ANTXR2: variants seen among roughly 807,000 people sequenced by gnomAD.
ANTXR2 encodes the protein ANTXR cell adhesion molecule 2.
A neutral mutation model predicts 73.7 loss-of-function variants in ANTXR2; 44 were observed. The observed-to-expected ratio is 0.60, with a 90% CI of 0.47 to 0.77. The LOEUF is 0.77. Ranked by LOEUF, ANTXR2 falls within the 30% of genes least tolerant of loss-of-function variation. The pLI is 0.00. For synonymous variants in ANTXR2, 217 were observed against 205.9 expected (o/e 1.05, Z -0.46); for missense variants, 604 against 592.5 (o/e 1.02, Z -0.20).
At position 79,903,951 on chromosome 4, in the gene ANTXR2, C is replaced by G. The variant is rs1168440295; in HGVS notation, c.*3478G>C. ...CTAGAAAATGCTAGTAAAAGCTAAC[C>G]AATATACAATATATGCATGGAGTAG... On this transcript the variant is annotated 3_prime_UTR_variant, in exon 17 of 17. Transcript: ENST00000403729. 1 of 152,080 alleles carries G rather than the reference C, an allele frequency of 6.6e-6. No homozygotes were observed. Among genetic ancestry groups the G allele is most frequent in the African/African-American group, 2.4e-5 (1 of 41,424 alleles). 9.4% of individuals were successfully genotyped at this position (152,080 alleles called of 1,614,324 possible). A position where few individuals can be genotyped will look rare whatever the true frequency, so the allele number is the denominator to read the frequency against.
intron 12 of ANTXR2, among the ~76,000 whole-genome samples, chr4:79,987,478 T>C (rs1730232062): frequency 1.3e-5 from 2 of 152,102 alleles, no homozygotes; most frequent in South Asian, 4.1e-4. Context: ...AATATGGGAT[T>C]ATGTAAGAAG....
At chr4:80,025,495 C>T (rs1732386315) in intron 10 of ANTXR2, among the ~76,000 whole-genome samples, 2 of 152,084 alleles carry the variant, frequency 1.3e-5, no homozygotes, top group African/African-American at 4.8e-5. Context: ...TTGTGAAAGA[C>T]ATTTGCTGGA....
At chr4:80,003,203 C>T (rs564037681) in intron 12 of ANTXR2, among the ~76,000 whole-genome samples, 1 of 152,018 alleles carries the variant, frequency 6.6e-6, no homozygotes, top group Admixed American at 6.6e-5. Context: ...AAATGTGGCA[C>T]ATATACACCA....
chr4:80,067,139 G>A (rs1166133894), intron 3 of ANTXR2, among the ~76,000 whole-genome samples: 1 of 151,810 alleles, frequency 6.6e-6, no homozygotes, highest in Non-Finnish European at 1.5e-5. Context: ...CTGGGAGGTG[G>A]AGCTTGCAGT....
At chr4:80,007,688 T>C (rs890116085) in intron 12 of ANTXR2, among the ~76,000 whole-genome samples, 1 of 152,106 alleles carries the variant, frequency 6.6e-6, no homozygotes, top group Non-Finnish European at 1.5e-5. Flanking sequence ...GTTGAAAAGA[T>C]GCAACACATC....
intron 16 of ANTXR2, among the ~76,000 whole-genome samples, chr4:79,914,198 C>T (rs1421526736): frequency 6.6e-6 from 1 of 152,096 alleles, no homozygotes; most frequent in Non-Finnish European, 1.5e-5. Flanking sequence ...TTTGTCAATA[C>T]TGGTAAGCTC....
intron 16 of ANTXR2, among the ~76,000 whole-genome samples, chr4:79,964,188 T>C (rs1312047973): frequency 6.6e-6 from 1 of 152,200 alleles, no homozygotes; most frequent in Non-Finnish European, 1.5e-5. Context: ...AAGGTTAACA[T>C]AACCTCGATT....
chr4:80,000,813 A>C (rs1730993314), intron 12 of ANTXR2, among the ~76,000 whole-genome samples: 1 of 152,056 alleles, frequency 6.6e-6, no homozygotes, highest in Admixed American at 6.6e-5. Flanking sequence ...CAAATGTTCA[A>C]ATTCTTTGCT....
intron 8 of ANTXR2, among the ~76,000 whole-genome samples, chr4:80,035,725 T>C (rs1252050393): frequency 6.6e-6 from 1 of 152,160 alleles, no homozygotes; most frequent in Non-Finnish European, 1.5e-5. Context: ...AAGCGTGAAC[T>C]AAATATACAG....
At chr4:80,004,389 C>T (rs1731203447) in intron 12 of ANTXR2, among the ~76,000 whole-genome samples, 1 of 151,586 alleles carries the variant, frequency 6.6e-6, no homozygotes, top group Non-Finnish European at 1.5e-5. Flanking sequence ...CACTTAGTGT[C>T]TTAAAACCAC....
intron 16 of ANTXR2, among the ~76,000 whole-genome samples, chr4:79,930,792 T>C (rs1290080645): frequency 6.6e-6 from 1 of 152,190 alleles, no homozygotes; most frequent in Non-Finnish European, 1.5e-5. Flanking sequence ...ATACTAAAAG[T>C]AGGTATAAGA....
At chr4:79,995,086 A>T (rs1453233225) in intron 12 of ANTXR2, among the ~76,000 whole-genome samples, 1 of 152,056 alleles carries the variant, frequency 6.6e-6, no homozygotes, top group Non-Finnish European at 1.5e-5. Flanking sequence ...CATCTAGAAG[A>T]CATAAAACTT....
At chr4:79,994,152 A>G (rs1240511854) in intron 12 of ANTXR2, among the ~76,000 whole-genome samples, 3 of 151,944 alleles carry the variant, frequency 2.0e-5, no homozygotes, top group African/African-American at 7.2e-5. Context: ...TTTTGCATCA[A>G]TGACTTAATA....
chr4:80,006,503 G>A (rs185799238), intron 12 of ANTXR2, among the ~76,000 whole-genome samples: 1 of 152,152 alleles, frequency 6.6e-6, no homozygotes, highest in East Asian at 1.9e-4. Context: ...GTAAAATAAA[G>A]GAAGTTTCCT....
chr4:80,065,494 G>A (rs1049940995), intron 3 of ANTXR2, among the ~76,000 whole-genome samples: 1 of 152,122 alleles, frequency 6.6e-6, no homozygotes, highest in South Asian at 2.1e-4. Context: ...GTAGGTGGAG[G>A]AATGGACTAA....
Position 80,055,918 on chromosome 4 carries a change from G to A in ANTXR2, c.378+14C>T, listed in dbSNP as rs901610482. On this transcript the variant is annotated intron_variant, in intron 4 of 16. Transcript: ENST00000403729. Reference sequence around the variant, plus strand: ...AGCATTCTCTCCCATATTTACAAATGTAAAATAACTTACTAGCTTTAGTCC... The same window carrying A: ...AGCATTCTCTCCCATATTTACAAATATAAAATAACTTACTAGCTTTAGTCC... The A allele has an allele frequency of 1.2e-5, 18 of 1,486,754 alleles. No homozygotes were observed. Among genetic ancestry groups the A allele is most frequent in the Middle Eastern group, 1.7e-4 (1 of 5,838 alleles). The allele number at this position is 1,486,754 out of a possible 1,614,324, so 92.1% of individuals were successfully genotyped here.
At chr4:80,040,474 T>C (rs1240734992) in intron 7 of ANTXR2, among the ~76,000 whole-genome samples, 1 of 152,114 alleles carries the variant, frequency 6.6e-6, no homozygotes, top group Non-Finnish European at 1.5e-5. Context: ...TCTTTAATAC[T>C]TTGCAACTCC....
chr4:80,018,522 C>A (rs1037203305), intron 11 of ANTXR2, among the ~76,000 whole-genome samples: 2 of 152,030 alleles, frequency 1.3e-5, no homozygotes, highest in African/African-American at 4.8e-5. Flanking sequence ...GATTTCAAAC[C>A]ATGATAAATG....
chr4:80,029,273 T>C (rs1373207871), intron 10 of ANTXR2, among the ~76,000 whole-genome samples: 5 of 152,142 alleles, frequency 3.3e-5, no homozygotes, highest in Non-Finnish European at 7.4e-5. Flanking sequence ...ATGCATTTTA[T>C]AACTACTTCA....
Sources: allele counts gnomAD v4.1 joint callset (sites outside exome capture counted in the v4.1 genomes callset), GRCh38; gene constraint gnomAD v4.1.1; transcripts MANE v1.5; gene names NCBI Gene and HGNC (gene_info 2026-07-23, HGNC 2026-07-21).